The following CNOT9 variants were observed in gnomAD, a reference collection of about 807,000 sequenced individuals.
CNOT9 encodes CCR4-NOT transcription complex subunit 9, also known as RCD1 required for cell differentiation1 homolog.
A neutral mutation model predicts 37.4 loss-of-function variants in CNOT9; 8 were observed. That is an observed-to-expected ratio of 0.21 (90% confidence interval 0.13 to 0.39). CNOT9 has a LOEUF of 0.39. CNOT9 is among the 10% of genes least tolerant of loss of function. The pLI, the probability that CNOT9 is intolerant of heterozygous loss-of-function variation, is 1.00. For missense variants in CNOT9, 154 were observed against 365.3 expected, an observed-to-expected ratio of 0.42 and a Z score of 4.71; for synonymous variants, 120 against 137.6, an observed-to-expected ratio of 0.87 and a Z score of 0.90.
chr2:218,568,984 T>C lies in CNOT9; in HGVS notation c.24+6T>C. 1 of 1,611,400 alleles carries C rather than the reference T, an allele frequency of 6.2e-7. No individual in the cohort carries two copies. Among genetic ancestry groups the C allele is most frequent in the East Asian group, 2.2e-5 (1 of 44,558 alleles). On this transcript the variant is annotated splice_donor_region_variant and intron_variant, in intron 1 of 7. Coordinates refer to ENST00000273064, the MANE Select transcript of CNOT9 (RefSeq NM_005444.3). The stretch of plus-strand genomic sequence containing the variant: ...ACAGCCTGGCGACGGCTGCGGTGAG[T>C]GGCTGGGCCCCCAGGCTTGGAACCA...
At chr2:218,593,704 T>C in intron 7 of CNOT9, 1 of 1,242,858 alleles carries the variant, frequency 8.0e-7, no homozygotes, top group Non-Finnish European at 1.0e-6. Flanking sequence ...TAGTATAGAA[T>C]TAAAATTCAT....
chr2:218,582,005 C>CCAGGAGGTGGAGGCTG (rs1402738896), intron 2 of CNOT9, among the ~76,000 whole-genome samples: 2 of 151,934 alleles, frequency 1.3e-5, no homozygotes, highest in African/African-American at 4.8e-5. Context: ...TCAATTGAGC[C>CCAGGAGGTGGAGGCTG]CAGGAGGTGG....
intron 1 of CNOT9, among the ~76,000 whole-genome samples, chr2:218,574,413 T>C (rs1042209017): frequency 6.6e-6 from 1 of 152,266 alleles, no homozygotes; most frequent in Admixed American, 6.5e-5. Context: ...GAGCTCACTG[T>C]GTATCCAAAT....
chr2:218,585,149 T>G (rs1694546078), intron 4 of CNOT9, among the ~76,000 whole-genome samples: 1 of 152,070 alleles, frequency 6.6e-6, no homozygotes, highest in South Asian at 2.1e-4. Context: ...ATTGAACTCC[T>G]AGGCTCAAGT....
chr2:218,581,686 A>G (rs933893760), intron 2 of CNOT9, among the ~76,000 whole-genome samples: 2 of 152,118 alleles, frequency 1.3e-5, no homozygotes, highest in African/African-American at 4.8e-5. Flanking sequence ...TAACTTTTCA[A>G]CTCTTAAGTA....
chr2:218,593,591 CT>C, intron 7 of CNOT9: 1 of 1,482,078 alleles, frequency 6.7e-7, no homozygotes, highest in Non-Finnish European at 9.0e-7. Flanking sequence ...AAAAGTTCAT[CT>C]GATAATACTG....
Position 218,580,511 on chromosome 2 carries a change from T to C in CNOT9, c.25-50T>C, listed in dbSNP as rs755966390. 72 of 1,494,480 alleles carry C rather than the reference T, an allele frequency of 4.8e-5. 4 individuals are homozygous for C. The South Asian group carries it at 9.2e-4, about 19-fold the overall frequency. 92.6% of individuals were successfully genotyped at this position (1,494,480 alleles called of 1,614,324 possible). A position where few individuals can be genotyped will look rare whatever the true frequency, so the allele number is the denominator to read the frequency against. ...CTAAAACTCTGTTGCAGGGTAAGAC[T>C]TGGTTTGACTCTAATAAACTGATAT... On this transcript the variant is annotated intron_variant, in intron 1 of 7. Coordinates refer to ENST00000273064, the MANE Select transcript of CNOT9 (RefSeq NM_005444.3).
At chr2:218,571,989 G>T (rs1245484592) in intron 1 of CNOT9, among the ~76,000 whole-genome samples, 4 of 151,956 alleles carry the variant, frequency 2.6e-5, no homozygotes, top group Non-Finnish European at 5.9e-5. Context: ...AATAAGGACA[G>T]AAGTACCACA....
chr2:218,593,960 T>A, intron 7 of CNOT9, 148 bp from the exon 8 acceptor site: 1 of 995,234 alleles, frequency 1.0e-6, no homozygotes, highest in South Asian at 1.7e-5. Context: ...ATGCCTAATA[T>A]AGCTTTAGAG....
rs1420708490 is a variant in CNOT9, at chr2:218,594,408, G to T, written c.*132G>T. 3.2e-5 allele frequency: 33 copies of T among 1,039,842 alleles called. No individual in the cohort carries two copies. In the East Asian group the frequency reaches 8.4e-4, roughly 26 times the overall value. 64.4% of individuals were successfully genotyped at this position (1,039,842 alleles called of 1,614,324 possible). On this transcript the variant is annotated 3_prime_UTR_variant, in exon 8 of 8. Coordinates refer to ENST00000273064, the MANE Select transcript of CNOT9 (RefSeq NM_005444.3). ...TGCTGAACCGCACTGGAGAAAAGGGGCAAGGTACCCCTGCTGAGGTGTATG... is the reference window on the plus strand; with the variant it reads ...TGCTGAACCGCACTGGAGAAAAGGGTCAAGGTACCCCTGCTGAGGTGTATG...
At chr2:218,593,502 A>T in intron 7 of CNOT9, 1 of 1,400,324 alleles carries the variant, frequency 7.1e-7, no homozygotes, top group Non-Finnish European at 9.6e-7. Context: ...ATAGCTCTAC[A>T]CATAGTTAAC....
chr2:218,574,238 GA>G (rs1336314264), intron 1 of CNOT9: 1 of 220,118 alleles, frequency 4.5e-6, no homozygotes, highest in Admixed American at 5.7e-5. Context: ...TTACAGGTGT[GA>G]ACCTGTCTCT....
At chr2:218,590,054 G>GTT (rs71064464) in intron 5 of CNOT9, among the ~76,000 whole-genome samples, 20 of 147,028 alleles carry the variant, frequency 1.4e-4, no homozygotes, top group East Asian at 1.2e-3. Flanking sequence ...GCTTTTTTCT[G>GTT]TTTTTTTTTT....
intron 5 of CNOT9, among the ~76,000 whole-genome samples, chr2:218,588,199 C>T (rs1268681386): frequency 6.6e-6 from 1 of 151,770 alleles, no homozygotes; most frequent in Non-Finnish European, 1.5e-5. Context: ...CAGCCTAATT[C>T]TTTCCTTTTT....
intron 5 of CNOT9, among the ~76,000 whole-genome samples, chr2:218,589,937 A>C (rs1694719174): frequency 6.6e-6 from 1 of 152,268 alleles, no homozygotes; most frequent in African/African-American, 2.4e-5. Flanking sequence ...AGAACAAGCA[A>C]AGCCAATTAC....
Position 218,595,623 on chromosome 2 carries a change from TC to T in CNOT9, c.*1350del, listed in dbSNP as rs1197332232. On this transcript the variant is annotated 3_prime_UTR_variant, in exon 8 of 8. Coordinates refer to ENST00000273064, the MANE Select transcript of CNOT9 (RefSeq NM_005444.3). ...TCCCCTGCTAGCACCTGCTTTCTCA[TC>T]CCTATCTCCAGTCAAAGATGGGATT... 6.6e-6 allele frequency: 1 copy of T among 151,698 alleles called. No homozygotes were observed. Among genetic ancestry groups the T allele is most frequent in the Non-Finnish European group, 1.5e-5 (1 of 67,916 alleles). 9.4% of individuals were successfully genotyped at this position (151,698 alleles called of 1,614,324 possible).
intron 5 of CNOT9, among the ~76,000 whole-genome samples, chr2:218,591,997 A>G (rs1165566152): frequency 6.6e-6 from 1 of 152,174 alleles, no homozygotes; most frequent in Admixed American, 6.5e-5. Context: ...TAAGAATTTG[A>G]TAATTACACG....
rs1216819365 is a variant in CNOT9, at chr2:218,595,529, G to T, written c.*1253G>T. The T allele has an allele frequency of 6.7e-6, 1 of 148,266 alleles. No individual in the cohort carries two copies. The highest frequency in any genetic ancestry group is 1.5e-5 in the Non-Finnish European group (1 of 67,612). The allele number at this position is 148,266 out of a possible 1,614,324, so 9.2% of individuals were successfully genotyped here. A position where few individuals can be genotyped will look rare whatever the true frequency, so the allele number is the denominator to read the frequency against. On this transcript the variant is annotated 3_prime_UTR_variant, in exon 8 of 8. Transcript: ENST00000273064. ...AGATTTCCTCTTCTCTGGAGCTTAG[G>T]TGGCTCTTCACAATCCATAGGCTTG...
At position 218,568,880 on chromosome 2, in the gene CNOT9, C is replaced by A; in HGVS notation, c.-75C>A. 2.6e-6 allele frequency: 4 copies of A among 1,532,332 alleles called. No homozygotes were observed. The South Asian group carries it at 4.7e-5, about 18-fold the overall frequency. 94.9% of individuals were successfully genotyped at this position (1,532,332 alleles called of 1,614,324 possible). A position where few individuals can be genotyped will look rare whatever the true frequency, so the allele number is the denominator to read the frequency against. On this transcript the variant is annotated 5_prime_UTR_variant, in exon 1 of 8. Transcript: ENST00000273064. ...GCGGCTACGGCGGCTCATTGTTTTC[C>A]GCTGCAGGGGTGCTGAAGGGGGGAC...
Sources: gnomAD v4.1 joint callset for allele counts (sites outside exome capture counted in the v4.1 genomes callset) on GRCh38, gnomAD v4.1.1 for gene constraint, MANE v1.5 for transcripts, NCBI Gene and HGNC (gene_info 2026-07-23, HGNC 2026-07-21) for gene names.